The following ZNF670 variants were observed in gnomAD, a reference collection of about 807,000 sequenced individuals.
The protein encoded by ZNF670 is zinc finger protein 670.
ZNF670 carries 7 observed loss-of-function variants against 10.9 expected under a neutral mutation model. That is an observed-to-expected ratio of 0.64 (90% CI 0.36 to 1.20). The LOEUF (loss-of-function observed/expected upper bound fraction) is 1.20. Among genes scored for constraint, ZNF670 ranks in the 50% most tolerant of loss-of-function variants. ZNF670 has a pLI of 0.02. For missense variants in ZNF670, 446 were observed against 458.6 expected (o/e 0.97, Z 0.25); for synonymous variants, 136 against 152.7 (o/e 0.89, Z 0.81).
chr1:247,065,405 C>T (rs1456699946), intron 1 of ZNF670, among the ~76,000 whole-genome samples: 1 of 152,144 alleles, frequency 6.6e-6, no homozygotes, highest in Non-Finnish European at 1.5e-5. Flanking sequence ...GAGTTAACTC[C>T]GTGAGCATAA....
At chr1:247,061,165 T>C (rs1201735555) in intron 1 of ZNF670, among the ~76,000 whole-genome samples, 1 of 150,920 alleles carries the variant, frequency 6.6e-6, no homozygotes, top group East Asian at 1.9e-4. Context: ...CGAAACACTG[T>C]CAAGCTGTTA....
intron 1 of ZNF670, among the ~76,000 whole-genome samples, chr1:247,048,078 C>T (rs144029206): frequency 0.013 from 1,988 of 152,314 alleles, 28 homozygotes; most frequent in Middle Eastern, 0.02. Flanking sequence ...TTTTCTATCA[C>T]ATCATCAGGC....
chr1:247,063,411 G>A (rs137914410), intron 1 of ZNF670, among the ~76,000 whole-genome samples: 4,257 of 151,838 alleles, frequency 0.028, 190 homozygotes, highest in African/African-American at 0.091. Flanking sequence ...GTGAAACCCC[G>A]TCTCTATTAA....
intron 1 of ZNF670, among the ~76,000 whole-genome samples, chr1:247,072,798 G>GCATATA (rs1553323532): frequency 5.2e-5 from 1 of 19,058 alleles, no homozygotes; most frequent in Non-Finnish European, 9.6e-5. Flanking sequence ...AAAAAAAAAA[G>GCATATA]TGTGTGTATA....
intron 1 of ZNF670, chr1:247,044,068 C>T (rs1193234965): frequency 5.5e-6 from 1 of 180,270 alleles, no homozygotes; most frequent in African/African-American, 2.4e-5. Flanking sequence ...CTTCTGCCTT[C>T]AACCAAGGAT....
chr1:247,058,149 A>G (rs1670764158), intron 1 of ZNF670, among the ~76,000 whole-genome samples: 1 of 152,210 alleles, frequency 6.6e-6, no homozygotes, highest in South Asian at 2.1e-4. Flanking sequence ...AAAAACTAAA[A>G]CAAAATAAAA....
At chr1:247,052,674 T>C (rs1182453878) in intron 1 of ZNF670, among the ~76,000 whole-genome samples, 9 of 152,208 alleles carry the variant, frequency 5.9e-5, no homozygotes. Context: ...ACTGCTTTCT[T>C]GGAGCAGGGT....
chr1:247,057,931 C>G (rs1670757935), intron 1 of ZNF670, among the ~76,000 whole-genome samples: 1 of 152,022 alleles, frequency 6.6e-6, no homozygotes, highest in African/African-American at 2.4e-5. Flanking sequence ...ATTTTGCTAG[C>G]AAAACAGGAT....
intron 1 of ZNF670, among the ~76,000 whole-genome samples, chr1:247,072,804 G>GTATGCATATATATATATATA (rs1553323550): frequency 2.1e-5 from 1 of 47,664 alleles, no homozygotes; most frequent in Non-Finnish European, 3.6e-5. Context: ...AAAAGTGTGT[G>GTATGCATATATATATATATA]TATATATATA....
intron 1 of ZNF670, among the ~76,000 whole-genome samples, chr1:247,050,841 C>T (rs147316526): frequency 7.9e-5 from 12 of 152,186 alleles, no homozygotes; most frequent in East Asian, 5.8e-4. Flanking sequence ...TTACATTCAA[C>T]GTTAGCATTG....
chr1:247,043,695 T>C (rs1472476676), intron 1 of ZNF670: 2 of 478,244 alleles, frequency 4.2e-6, no homozygotes, highest in East Asian at 5.2e-5. Flanking sequence ...GGGGTATCAA[T>C]GTCAACAAAG....
chr1:247,051,499 G>A (rs1432010206), intron 1 of ZNF670, among the ~76,000 whole-genome samples: 1 of 152,132 alleles, frequency 6.6e-6, no homozygotes. Flanking sequence ...AATCTGATAG[G>A]TTTTCCTTCC....
rs1670160622 is a variant in ZNF670 at position 247,036,778 on chromosome 1, C to T, written c.*671G>A. ...TGTACATGAGACTATATAAACTTCA[C>T]ATACATGCAAATTAATAACAATTCT... On this transcript the variant is annotated 3_prime_UTR_variant, in exon 4 of 4. Coordinates refer to ENST00000366503, the MANE Select transcript of ZNF670 (RefSeq NM_033213.5). 1 of 151,948 alleles carries T rather than the reference C, an allele frequency of 6.6e-6. No individual in the cohort carries two copies. The highest frequency in any genetic ancestry group is 1.5e-5 in the Non-Finnish European group (1 of 67,996). 9.4% of individuals were successfully genotyped at this position (151,948 alleles called of 1,614,324 possible).
chr1:247,072,383 G>A (rs1249149043), intron 1 of ZNF670, among the ~76,000 whole-genome samples: 2 of 150,008 alleles, frequency 1.3e-5, no homozygotes, highest in Non-Finnish European at 3.0e-5. Context: ...TCAAACTTCT[G>A]AACTCAAGTG....
chr1:247,051,196 T>C (rs1670586079), intron 1 of ZNF670, among the ~76,000 whole-genome samples: 1 of 151,108 alleles, frequency 6.6e-6, no homozygotes, highest in Non-Finnish European at 1.5e-5. Context: ...TAGTCCCAGC[T>C]ACTTGGGAGG....
chr1:247,057,700 G>A (rs1456946814), intron 1 of ZNF670, among the ~76,000 whole-genome samples: 1 of 152,170 alleles, frequency 6.6e-6, no homozygotes, highest in African/African-American at 2.4e-5. Context: ...GGATGAAACT[G>A]GAAGTCATTG....
At chr1:247,039,641 C>T in intron 1 of ZNF670, 104 bp from the exon 2 acceptor site, 1 of 1,246,822 alleles carries the variant, frequency 8.0e-7, no homozygotes, top group Admixed American at 3.6e-5. Flanking sequence ...AGACTTCAAA[C>T]ATTTCTTCCA....
At chr1:247,041,658 A>G (rs1249976340) in intron 1 of ZNF670, among the ~76,000 whole-genome samples, 1 of 152,206 alleles carries the variant, frequency 6.6e-6, no homozygotes, top group Admixed American at 6.5e-5. Flanking sequence ...TTTACGGTGC[A>G]TTTGCACTTG....
rs1670217979 is a variant in ZNF670, at chr1:247,038,359, T to A, written c.260A>T (p.Asp87Val). ...GSQYGETFSQ[D>V]SNLNLNKKVS... Reference sequence around the variant, plus strand: ...TTTCTTATTCAGATTCAAATTTGAATCCTGGCTGAAGGTTTCTCCATATTG... The same window carrying A: ...TTTCTTATTCAGATTCAAATTTGAAACCTGGCTGAAGGTTTCTCCATATTG... The change falls in exon 4 of 4, where the codon GAT (aspartate) becomes GTT (valine). Residue 87 changes from aspartate (D) to valine (V), a missense_variant. Coordinates refer to ENST00000366503, the MANE Select transcript of ZNF670 (RefSeq NM_033213.5). 1 of 1,614,128 alleles carries A rather than the reference T, an allele frequency of 6.2e-7. No individual in the cohort carries two copies. Among genetic ancestry groups the A allele is most frequent in the Admixed American group, 1.7e-5 (1 of 60,038 alleles).
Sources: allele counts gnomAD v4.1 joint callset (sites outside exome capture counted in the v4.1 genomes callset), GRCh38; gene constraint gnomAD v4.1.1; transcripts MANE v1.5; gene names NCBI Gene and HGNC (gene_info 2026-07-23, HGNC 2026-07-21).